YTHDC2: variants seen among roughly 807,000 people sequenced by gnomAD.
YTHDC2 encodes the protein 3'-5' RNA helicase YTHDC2.
In YTHDC2, 45 loss-of-function variants were observed where a neutral mutation model predicts 174.9. That is an observed-to-expected ratio of 0.26 (90% CI 0.20 to 0.33). YTHDC2 has a LOEUF of 0.33. Ranked by LOEUF, YTHDC2 falls within the 10% of genes least tolerant of loss-of-function variation. The pLI is 1.00. For synonymous variants in YTHDC2, 657 were observed against 574.5 expected, an observed-to-expected ratio of 1.14 and a Z score of -2.05; for missense variants, 1,650 against 1,723.7, an observed-to-expected ratio of 0.96 and a Z score of 0.76.
In YTHDC2 at chr5:113,513,995, A is replaced by G; in HGVS notation, c.100A>G (p.Lys34Glu). The change falls in exon 1 of 30, where the codon AAG becomes GAG. Residue 34 changes from lysine (K) to glutamate (E), a missense_variant. By Grantham distance (56) the Lys-to-Glu change is moderately conservative (BLOSUM62 1). Transcript: ENST00000161863. ...PCGPGGGGRA[K>E]GLKDIRIDEE... ...TGGCCCTGGGGGCGGCGGCCGGGCCAAGGGGCTGAAGGACATTCGCATTGA... is the reference window on the plus strand; with the variant it reads ...TGGCCCTGGGGGCGGCGGCCGGGCCGAGGGGCTGAAGGACATTCGCATTGA... 6.2e-7 allele frequency: 1 copy of G among 1,606,588 alleles called. No homozygotes were observed.
chr5:113,564,342 A>G (rs1777197765), intron 20 of YTHDC2, among the ~76,000 whole-genome samples: 1 of 151,978 alleles, frequency 6.6e-6, no homozygotes, highest in African/African-American at 2.4e-5. Context: ...TTTTCTCCTT[A>G]TAGGAATATA....
At chr5:113,562,148 A>G (rs1237078691) in intron 18 of YTHDC2, among the ~76,000 whole-genome samples, 1 of 149,296 alleles carries the variant, frequency 6.7e-6, no homozygotes, top group African/African-American at 2.5e-5. Context: ...AAACATCCAT[A>G]TACCTAAGAT....
rs113163561 is a variant in YTHDC2 at position 113,558,736 on chromosome 5, A to C, written c.2217-2344A>C. On this transcript the variant is annotated intron_variant, in intron 17 of 29. Transcript: ENST00000161863. ...TAGGAGTTCAAGACCAGCCTGGCCA[A>C]CATGGTGAAACCCTGTCTCTAATAA... 2.0e-3 allele frequency among the ~76,000 whole-genome samples: 305 copies of C among 152,200 alleles called. 4 individuals carry two copies. The highest frequency in any genetic ancestry group is 7.0e-3 in the African/African-American group (292 of 41,522).
chr5:113,542,719 C>A (rs986125900), intron 10 of YTHDC2, among the ~76,000 whole-genome samples: 1 of 152,160 alleles, frequency 6.6e-6, no homozygotes, highest in African/African-American at 2.4e-5. Flanking sequence ...AAGCTAATGT[C>A]TCCATTGCAG....
intron 25 of YTHDC2, 21 bp from the exon 26 acceptor site, chr5:113,584,281 G>T (rs1304202908): frequency 6.3e-7 from 1 of 1,593,900 alleles, no homozygotes; most frequent in South Asian, 1.1e-5. Flanking sequence ...ACTGATCTTT[G>T]CTTCCTCCTT....
At chr5:113,521,621 C>A (rs1033315802) in intron 2 of YTHDC2, among the ~76,000 whole-genome samples, 1 of 151,378 alleles carries the variant, frequency 6.6e-6, no homozygotes, top group African/African-American at 2.4e-5. Context: ...GTCCCAGCTA[C>A]TGGGGAGACT....
intron 24 of YTHDC2, among the ~76,000 whole-genome samples, chr5:113,580,762 G>A (rs1023264468): frequency 6.6e-6 from 1 of 151,958 alleles, no homozygotes; most frequent in Non-Finnish European, 1.5e-5. Flanking sequence ...TTGTACTCCT[G>A]CCCTTCCCCA....
chr5:113,565,153 A>G (rs1777246806), intron 20 of YTHDC2, among the ~76,000 whole-genome samples: 1 of 152,166 alleles, frequency 6.6e-6, no homozygotes, highest in South Asian at 2.1e-4. Context: ...TGCAGAAAGT[A>G]CTCTTTTTCA....
chr5:113,530,984 C>T (rs566961932), intron 4 of YTHDC2, among the ~76,000 whole-genome samples: 19 of 152,132 alleles, frequency 1.2e-4, no homozygotes, highest in East Asian at 3.9e-4. Context: ...TTTTTCTTCC[C>T]GCCCCCCAAC....
Position 113,553,325 on chromosome 5 carries a change from T to A in YTHDC2, c.1833T>A (p.His611Gln), listed in dbSNP as rs1371669514. The A allele has an allele frequency of 6.2e-7, 1 of 1,608,570 alleles. No homozygotes were observed. Among genetic ancestry groups the A allele is most frequent in the East Asian group, 2.2e-5 (1 of 44,768 alleles). Residue 611 changes from histidine (H) to glutamine (Q), a missense_variant, in exon 13 of 30, where the codon CAT becomes CAA. Physicochemically the swap from His to Gln is conservative, Grantham distance 24. This residue lies in a region of YTHDC2 where 411 missense variants were observed against 380.6 expected (regional missense o/e 1.08). Coordinates refer to ENST00000161863, the MANE Select transcript of YTHDC2 (RefSeq NM_022828.5). The part of the protein sequence containing the change: ...DEKVDLDLIM[H>Q]LLYNICHSCD... ...AAGTAGACTTGGATTTGATCATGCA[T>A]CTTCTATACAATATCTGCCATAGTT...
At chr5:113,570,411 G>A (rs891369840) in intron 23 of YTHDC2, among the ~76,000 whole-genome samples, 2 of 151,944 alleles carry the variant, frequency 1.3e-5, no homozygotes, top group Non-Finnish European at 2.9e-5. Flanking sequence ...CTTTTCCTAT[G>A]TATTTTATTT....
At chr5:113,515,546 T>C (rs1234486844) in intron 2 of YTHDC2, among the ~76,000 whole-genome samples, 184 bp downstream of exon 2, 1 of 152,224 alleles carries the variant, frequency 6.6e-6, no homozygotes, top group Non-Finnish European at 1.5e-5. Flanking sequence ...TCTGTCTACC[T>C]CTTCCCCCCT....
intron 10 of YTHDC2, among the ~76,000 whole-genome samples, chr5:113,543,238 C>G (rs115979896): frequency 1.7e-3 from 252 of 152,268 alleles, no homozygotes; most frequent in African/African-American, 5.8e-3. Context: ...GGATACTCCT[C>G]AAACAACTTC....
chr5:113,565,751 C>A, intron 20 of YTHDC2, 142 bp from the exon 21 acceptor site: 1 of 746,332 alleles, frequency 1.3e-6, no homozygotes, highest in South Asian at 4.0e-5. Context: ...ATTATTTGAT[C>A]ATAAAGTCTT....
Position 113,563,601 on chromosome 5 carries a change from CCTG to C in YTHDC2, c.2442+111_2442+113del, listed in dbSNP as rs1777146896. The C allele has an allele frequency of 4.8e-6, 6 of 1,248,478 alleles. No individual in the cohort carries two copies. In the South Asian group the frequency reaches 8.4e-5, roughly 18 times the overall value. 77.3% of individuals were successfully genotyped at this position (1,248,478 alleles called of 1,614,324 possible). A position where few individuals can be genotyped will look rare whatever the true frequency, so the allele number is the denominator to read the frequency against. ...TATAATTATTTTTTATTTTTGTCCT[CCTG>C]CATGTGTCCAGATAAACTAATTTTG... On this transcript the variant is annotated intron_variant, in intron 19 of 29. Transcript: ENST00000161863.
At chr5:113,568,468 T>C (rs1415028448) in intron 23 of YTHDC2, among the ~76,000 whole-genome samples, 1 of 144,928 alleles carries the variant, frequency 6.9e-6, no homozygotes, top group Non-Finnish European at 1.6e-5. Context: ...CATGACATCA[T>C]GTATCTATCA....
intron 24 of YTHDC2, 90 bp downstream of exon 24, chr5:113,579,785 T>G (rs1778287677): frequency 7.3e-7 from 1 of 1,368,666 alleles, no homozygotes; most frequent in Non-Finnish European, 9.5e-7. Context: ...TCTTTACTAT[T>G]GAGCCCTTAG....
chr5:113,523,436 G>A (rs1275364252), intron 2 of YTHDC2, among the ~76,000 whole-genome samples: 1 of 152,018 alleles, frequency 6.6e-6, no homozygotes, highest in Non-Finnish European at 1.5e-5. Context: ...CATCACAGAA[G>A]GGGAATGAAT....
chr5:113,592,647 C>G (rs1243223905), intron 28 of YTHDC2: 1 of 152,464 alleles, frequency 6.6e-6, no homozygotes, highest in Non-Finnish European at 1.5e-5. Context: ...TTAGTTTTGC[C>G]TAAGGTCACA....
Sources: allele counts gnomAD v4.1 joint callset (sites outside exome capture counted in the v4.1 genomes callset), GRCh38; gene constraint gnomAD v4.1.1; regional missense constraint gnomAD v4.1.1; transcripts MANE v1.5; gene names NCBI Gene and HGNC (gene_info 2026-07-23, HGNC 2026-07-21).